Variants in MYO1H observed in about 807,000 individuals in gnomAD.
MYO1H encodes the protein unconventional myosin-Ih.
A neutral mutation model predicts 149.3 loss-of-function variants in MYO1H; 118 were observed. The ratio of observed to expected loss-of-function variants is 0.79; its 90% CI spans 0.68 to 0.92. The LOEUF (loss-of-function observed/expected upper bound fraction) is 0.92, where lower values mean the gene tolerates loss of function less well. MYO1H is among the 40% of genes least tolerant of loss of function. MYO1H has a pLI of 0.00. For missense variants in MYO1H, 1,212 were observed against 1,280.7 expected (o/e 0.95, Z 0.82); for synonymous variants, 447 against 465.2 (o/e 0.96, Z 0.50).
intron 19 of MYO1H, among the ~76,000 whole-genome samples, chr12:109,431,649 A>G (rs1871625037): frequency 6.6e-6 from 1 of 152,182 alleles, no homozygotes. Context: ...TCCAGCCTTG[A>G]TCCATCTGCA....
Position 109,415,523 on chromosome 12 carries a change from T to C in MYO1H, c.1503-3T>C. 1 of 1,600,936 alleles carries C rather than the reference T, an allele frequency of 6.2e-7. No homozygotes were observed. Among genetic ancestry groups the C allele is most frequent in the Non-Finnish European group, 8.5e-7 (1 of 1,173,872 alleles). Reference sequence around the variant, plus strand: ...TCAACTCGTGTCTATTTCTGTCTCGTAGCCGTAAGCTGGCTGGTCCAAAGG... The same window carrying C: ...TCAACTCGTGTCTATTTCTGTCTCGCAGCCGTAAGCTGGCTGGTCCAAAGG... On this transcript the variant is annotated splice_region_variant and splice_polypyrimidine_tract_variant and intron_variant, in intron 14 of 31. Coordinates refer to ENST00000310903, the Ensembl canonical transcript of MYO1H.
At chr12:109,349,658 C>CA (rs398021025) in intron 1 of MYO1H, among the ~76,000 whole-genome samples, 5,945 of 120,338 alleles carry the variant, frequency 0.049, 174 homozygotes, top group Non-Finnish European at 0.067. Context: ...AACCCTGTCT[C>CA]AAAAAAAAAA....
exon 21 of MYO1H, chr12:109,435,039 C>A (rs1240663425): frequency 6.2e-7 from 1 of 1,605,470 alleles, no homozygotes; most frequent in South Asian, 1.1e-5. Context: ...ACTTCTAGAA[C>A]CAAAATATTC....
At chr12:109,437,288 A>C (rs1214283256) in intron 22 of MYO1H, among the ~76,000 whole-genome samples, 1 of 152,028 alleles carries the variant, frequency 6.6e-6, no homozygotes, top group African/African-American at 2.4e-5. Context: ...TTTCTTCAAT[A>C]GTTTCACTAT....
At chr12:109,428,469 T>C (rs1191282979) in intron 19 of MYO1H, among the ~76,000 whole-genome samples, 1 of 152,234 alleles carries the variant, frequency 6.6e-6, no homozygotes, top group Non-Finnish European at 1.5e-5. Flanking sequence ...TAATGAACTA[T>C]TTCTACGCCT....
intron 1 of MYO1H, among the ~76,000 whole-genome samples, chr12:109,355,789 T>G (rs1186685275): frequency 6.6e-6 from 1 of 151,646 alleles, no homozygotes; most frequent in Non-Finnish European, 1.5e-5. Context: ...TGCAGTGGCC[T>G]GATCTTGGCT....
chr12:109,394,598 C>CA lies in MYO1H; in HGVS notation c.290+1164dup, dbSNP rs10707269. 4.8e-3 allele frequency among the ~76,000 whole-genome samples: 691 copies of CA among 143,856 alleles called. 14 individuals are homozygous for CA. Among genetic ancestry groups the CA allele is most frequent in the East Asian group, 0.047 (231 of 4,952 alleles). The allele number at this position is 143,856 out of a possible 152,430, so 94.4% of individuals were successfully genotyped here. On this transcript the variant is annotated intron_variant, in intron 3 of 31. Transcript: ENST00000310903. ...ATTTAACATTCAAAACAATGACTAC[C>CA]AAAAAAAAAAAAGGAAACTTGAGCA... is the stretch of plus-strand genomic sequence containing the variant.
intron 31 of MYO1H, among the ~76,000 whole-genome samples, chr12:109,446,716 A>G (rs768210534): frequency 5.3e-5 from 8 of 152,222 alleles, no homozygotes; most frequent in Non-Finnish European, 1.2e-4. Flanking sequence ...GTGAGCTGAG[A>G]TCGCACCACT....
At chr12:109,396,621 G>A in intron 4 of MYO1H, 39 bp downstream of exon 4, 1 of 1,559,950 alleles carries the variant, frequency 6.4e-7, no homozygotes, top group Non-Finnish European at 8.7e-7. Flanking sequence ...GGAGTTCCAG[G>A]GAGGTCACTA....
chr12:109,342,044 G>T, the MYO1H span, among the ~76,000 whole-genome samples: 1 of 151,696 alleles, frequency 6.6e-6, no homozygotes, highest in African/African-American at 2.4e-5. Flanking sequence ...AATGATCAAA[G>T]CATTTAAATA....
At chr12:109,341,960 C>T in the MYO1H span, among the ~76,000 whole-genome samples, 1 of 151,938 alleles carries the variant, frequency 6.6e-6, no homozygotes, top group Non-Finnish European at 1.5e-5. Flanking sequence ...ATGGCCTGGT[C>T]ATTGATAATC....
At chr12:109,327,863 TAAC>T in the MYO1H span, among the ~76,000 whole-genome samples, 1 of 151,908 alleles carries the variant, frequency 6.6e-6, no homozygotes, top group Non-Finnish European at 1.5e-5. Context: ...ACTCGTAACT[TAAC>T]AATAGCATAA....
Position 109,397,716 on chromosome 12 carries a change from C to T in MYO1H, c.490-16C>T. ...GGTGAGCTTAAATGACAGTGAATGACACTTTGTATTCCAAGGCTTTTGGAA... is the reference window on the plus strand; with the variant it reads ...GGTGAGCTTAAATGACAGTGAATGATACTTTGTATTCCAAGGCTTTTGGAA... On this transcript the variant is annotated splice_polypyrimidine_tract_variant and intron_variant, in intron 4 of 31. Transcript: ENST00000310903. The T allele has an allele frequency of 1.2e-6, 2 of 1,603,052 alleles. No homozygotes were observed. Among genetic ancestry groups the T allele is most frequent in the Non-Finnish European group, 1.7e-6 (2 of 1,174,610 alleles).
chr12:109,321,374 A>AC, the MYO1H span, among the ~76,000 whole-genome samples: 19 of 151,292 alleles, frequency 1.3e-4, no homozygotes, highest in African/African-American at 3.6e-4. Flanking sequence ...ATATGGTGAA[A>AC]CCCCCTTGTC....
At chr12:109,411,779 C>T (rs1482625054) in intron 13 of MYO1H, 115 bp from the exon 14 acceptor site, 1 of 676,840 alleles carries the variant, frequency 1.5e-6, no homozygotes, top group South Asian at 2.1e-5. Context: ...CCTGCACTTA[C>T]ATGAATTGAC....
the MYO1H span, among the ~76,000 whole-genome samples, chr12:109,314,211 G>T: frequency 6.4e-5 from 9 of 140,250 alleles, no homozygotes; most frequent in African/African-American, 5.3e-5. Flanking sequence ...TTTTTTCTTT[G>T]TCTTTTTTTT....
intron 5 of MYO1H, among the ~76,000 whole-genome samples, chr12:109,398,782 A>G (rs1870027646): frequency 6.6e-6 from 1 of 150,610 alleles, no homozygotes; most frequent in Admixed American, 6.6e-5. Flanking sequence ...AGTAAACAAT[A>G]TATTGTTTAG....
At chr12:109,355,011 A>G (rs535279965) in intron 1 of MYO1H, among the ~76,000 whole-genome samples, 4 of 152,288 alleles carry the variant, frequency 2.6e-5, no homozygotes, top group Admixed American at 1.3e-4. Flanking sequence ...ATGGAGGAAA[A>G]GGGGTTGGAA....
Position 109,406,965 on chromosome 12 carries a change from A to G in MYO1H, c.1035+105A>G. 1.0e-5 allele frequency: 10 copies of G among 980,764 alleles called. 1 individual carries two copies. In the South Asian group the frequency reaches 1.2e-4, roughly 12 times the overall value. 60.8% of individuals were successfully genotyped at this position (980,764 alleles called of 1,614,324 possible). ...CAGGGGAGGCCAAACCTTTGATCCTAGCTCACCAGGCCCTGCGTGGTCCAG... is the reference window on the plus strand; with the variant it reads ...CAGGGGAGGCCAAACCTTTGATCCTGGCTCACCAGGCCCTGCGTGGTCCAG... On this transcript the variant is annotated intron_variant, in intron 9 of 31. Coordinates refer to ENST00000310903, the Ensembl canonical transcript of MYO1H.
Sources: allele counts gnomAD v4.1 joint callset (sites outside exome capture counted in the v4.1 genomes callset), GRCh38; gene constraint gnomAD v4.1.1; transcripts MANE v1.5; gene names NCBI Gene and HGNC (gene_info 2026-07-23, HGNC 2026-07-21).